Variants in LRRC4C observed in about 807,000 individuals in gnomAD.
LRRC4C encodes the protein leucine-rich repeat-containing protein 4C.
A neutral mutation model predicts 33.6 loss-of-function variants in LRRC4C; 5 were observed. The ratio of observed to expected loss-of-function variants is 0.15; its 90% confidence interval spans 0.08 to 0.31. LRRC4C has a LOEUF of 0.31. LRRC4C is among the 10% of genes least tolerant of loss of function. LRRC4C has a pLI of 1.00. For missense variants in LRRC4C, 560 were observed against 796.7 expected, an observed-to-expected ratio of 0.70 and a Z score of 3.58; for synonymous variants, 329 against 302.0, an observed-to-expected ratio of 1.09 and a Z score of -0.93.
At chr11:41,259,339 T>C (rs774518987) in intron 1 of LRRC4C, among the ~76,000 whole-genome samples, 4 of 152,056 alleles carry the variant, frequency 2.6e-5, no homozygotes, top group Non-Finnish European at 2.9e-5. Flanking sequence ...CTGGTAGACA[T>C]GGTTGTATTA....
intron 2 of LRRC4C, among the ~76,000 whole-genome samples, chr11:40,793,476 T>C (rs542030735): frequency 6.6e-6 from 1 of 152,200 alleles, no homozygotes; most frequent in Non-Finnish European, 1.5e-5. Flanking sequence ...GTAAAAGCAA[T>C]TAAAACTACA....
chr11:41,254,780 T>C (rs1048705896), intron 1 of LRRC4C, among the ~76,000 whole-genome samples: 2 of 152,016 alleles, frequency 1.3e-5, no homozygotes, highest in South Asian at 4.1e-4. Flanking sequence ...AAATTCACAT[T>C]CTTTGACAAT....
chr11:40,477,565 T>C (rs1953302496), intron 3 of LRRC4C, among the ~76,000 whole-genome samples: 1 of 152,198 alleles, frequency 6.6e-6, no homozygotes, highest in Non-Finnish European at 1.5e-5. Context: ...AGTCTTCTAA[T>C]TGCTTACTCA....
At position 40,659,002 on chromosome 11, in the gene LRRC4C, C is replaced by T. The variant is rs549374517; in HGVS notation, c.-406-10724G>A. 3.3e-5 allele frequency among the ~76,000 whole-genome samples: 5 copies of T among 152,266 alleles called. No homozygotes were observed. The South Asian group carries it at 6.2e-4, about 19-fold the overall frequency. On this transcript the variant is annotated intron_variant, in intron 2 of 6. Transcript: ENST00000528697. ...CCCTAATGAGTTGGCAGGTTGGGAG[C>T]CCCATGTTCCCTGGCACAGCTGCAG...
intron 2 of LRRC4C, among the ~76,000 whole-genome samples, chr11:40,784,082 A>T (rs939547080): frequency 3.3e-5 from 5 of 151,438 alleles, no homozygotes; most frequent in South Asian, 2.1e-4. Context: ...ATGTTTATTT[A>T]TATATATATA....
chr11:41,331,367 T>G (rs973633301), intron 1 of LRRC4C, among the ~76,000 whole-genome samples: 1 of 152,198 alleles, frequency 6.6e-6, no homozygotes, highest in African/African-American at 2.4e-5. Flanking sequence ...AAGTTATTGA[T>G]TAAAGAAACC....
chr11:40,507,007 A>G (rs962089230), intron 3 of LRRC4C, among the ~76,000 whole-genome samples: 40 of 152,114 alleles, frequency 2.6e-4, no homozygotes, highest in African/African-American at 9.4e-4. Context: ...GCTTTACTTG[A>G]CAATAAATCC....
At chr11:40,291,271 C>T (rs560961647) in intron 4 of LRRC4C, among the ~76,000 whole-genome samples, 1 of 152,268 alleles carries the variant, frequency 6.6e-6, no homozygotes, top group South Asian at 2.1e-4. Context: ...TAAGCATTTT[C>T]CACCTTCTGC....
At chr11:41,400,322 G>A (rs1953977846) in intron 1 of LRRC4C, among the ~76,000 whole-genome samples, 1 of 151,944 alleles carries the variant, frequency 6.6e-6, no homozygotes, top group Non-Finnish European at 1.5e-5. Context: ...CATTTGTCAA[G>A]TGTCTTATAA....
chr11:40,827,770 T>G (rs545649783), intron 2 of LRRC4C, among the ~76,000 whole-genome samples: 92 of 151,910 alleles, frequency 6.1e-4, no homozygotes, highest in African/African-American at 2.1e-3. Flanking sequence ...AAATATATAA[T>G]CATTAATTCT....
chr11:40,523,486 T>C (rs1955909044), intron 3 of LRRC4C, among the ~76,000 whole-genome samples: 2 of 150,718 alleles, frequency 1.3e-5, no homozygotes, highest in African/African-American at 4.8e-5. Flanking sequence ...TACTGATTTC[T>C]ATAGTTCTTA....
chr11:40,647,223 T>G (rs1487530392), intron 3 of LRRC4C, among the ~76,000 whole-genome samples: 8 of 152,220 alleles, frequency 5.3e-5, no homozygotes, highest in Non-Finnish European at 1.0e-4. Context: ...ACCTTCTACC[T>G]TCATTTCCAG....
intron 3 of LRRC4C, among the ~76,000 whole-genome samples, chr11:40,363,702 A>G (rs1948073336): frequency 6.6e-6 from 1 of 152,072 alleles, no homozygotes; most frequent in Non-Finnish European, 1.5e-5. Context: ...ATCACTAGAC[A>G]CTCTAAGGAC....
At chr11:40,145,538 A>C (rs1857665589) in intron 5 of LRRC4C, among the ~76,000 whole-genome samples, 1 of 152,186 alleles carries the variant, frequency 6.6e-6, no homozygotes, top group South Asian at 2.1e-4. Context: ...ATTCAGTTAC[A>C]GAGTTATAAA....
At chr11:40,593,155 A>G (rs535373664) in intron 3 of LRRC4C, among the ~76,000 whole-genome samples, 1 of 152,312 alleles carries the variant, frequency 6.6e-6, no homozygotes, top group African/African-American at 2.4e-5. Context: ...ACAGAGAGAG[A>G]TGCTATGTAA....
intron 6 of LRRC4C, among the ~76,000 whole-genome samples, chr11:40,130,245 A>G (rs941597561): frequency 2.6e-5 from 4 of 152,208 alleles, no homozygotes; most frequent in African/African-American, 9.6e-5. Context: ...GAATGCTCCA[A>G]TGATTAGAAA....
chr11:40,549,361 G>A lies in LRRC4C; in HGVS notation c.-270+98781C>T, dbSNP rs193140011. ...AGACAACCAGGAGCGCAGACAGAGCGAACACTTACCTCTTCCCCTCCAATA... is the reference window on the plus strand; with the variant it reads ...AGACAACCAGGAGCGCAGACAGAGCAAACACTTACCTCTTCCCCTCCAATA... On this transcript the variant is annotated intron_variant, in intron 3 of 6. Transcript: ENST00000528697. Among the ~76,000 whole-genome samples, 11 of 152,200 alleles carry A rather than the reference G, an allele frequency of 7.2e-5. 1 individual carries two copies. The East Asian group carries it at 1.4e-3, about 19-fold the overall frequency.
chr11:40,528,649 A>C (rs541782658), intron 3 of LRRC4C, among the ~76,000 whole-genome samples: 10 of 152,164 alleles, frequency 6.6e-5, no homozygotes, highest in Non-Finnish European at 1.3e-4. Context: ...TATATACCCA[A>C]ATGAACTGAA....
At chr11:40,154,287 C>CAAAA (rs60017606) in intron 5 of LRRC4C, among the ~76,000 whole-genome samples, 2 of 114,206 alleles carry the variant, frequency 1.8e-5, no homozygotes, top group African/African-American at 3.2e-5. Context: ...AGCTAAAAAG[C>CAAAA]AAAAAAAAAA....
Sources: gnomAD v4.1 joint callset for allele counts (sites outside exome capture counted in the v4.1 genomes callset) on GRCh38, gnomAD v4.1.1 for gene constraint, MANE v1.5 for transcripts, NCBI Gene and HGNC (gene_info 2026-07-23, HGNC 2026-07-21) for gene names.